Variants in NRXN1 observed in about 807,000 individuals in gnomAD.
The protein encoded by NRXN1 is neurexin-1.
In NRXN1, 39 loss-of-function variants were observed where a neutral mutation model predicts 150.9. That is an observed-to-expected ratio of 0.26 (90% confidence interval 0.20 to 0.34). The LOEUF is 0.34. Ranked by LOEUF, NRXN1 falls within the 10% of genes least tolerant of loss-of-function variation. The probability of loss-of-function intolerance (pLI) is 1.00; values close to 1 mark genes in which losing one functional copy is unlikely to be tolerated. For missense variants in NRXN1, 1,815 were observed against 1,949.9 expected (o/e 0.93, Z 1.30); for synonymous variants, 924 against 757.0 (o/e 1.22, Z -3.62).
chr2:50,063,015 A>T (rs1421589), intron 19 of NRXN1, among the ~76,000 whole-genome samples: 1 of 152,072 alleles, frequency 6.6e-6, no homozygotes, highest in Non-Finnish European at 1.5e-5. Context: ...CATCTATACC[A>T]CAAGAGAAGA....
intron 19 of NRXN1, among the ~76,000 whole-genome samples, chr2:50,064,315 G>A (rs1438893365): frequency 2.0e-5 from 3 of 151,850 alleles, no homozygotes; most frequent in Non-Finnish European, 2.9e-5. Flanking sequence ...TACACAATAG[G>A]ACAAATCTTT....
intron 17 of NRXN1, among the ~76,000 whole-genome samples, chr2:50,371,334 C>A (rs1572713489): frequency 2.0e-5 from 3 of 152,154 alleles, no homozygotes; most frequent in South Asian, 4.1e-4. Context: ...GGCTTTATTG[C>A]CTCTCTTCTT....
At chr2:51,024,850 A>G (rs1035644098) in intron 2 of NRXN1, among the ~76,000 whole-genome samples, 8 of 152,056 alleles carry the variant, frequency 5.3e-5, no homozygotes, top group African/African-American at 1.7e-4. Context: ...TTTTCTCTTA[A>G]TGAAGTGAAC....
At chr2:50,773,036 A>T (rs1703195965) in intron 5 of NRXN1, among the ~76,000 whole-genome samples, 1 of 152,190 alleles carries the variant, frequency 6.6e-6, no homozygotes, top group African/African-American at 2.4e-5. Context: ...AAATGTTATT[A>T]ATGAAAGGAA....
intron 2 of NRXN1, 82 bp downstream of exon 2, chr2:51,027,420 A>C (rs1670680173): frequency 1.5e-6 from 2 of 1,366,706 alleles, no homozygotes; most frequent in Admixed American, 5.7e-5. Flanking sequence ...AAGATTAGGA[A>C]GACCCCATGC....
At chr2:50,080,506 GAC>G (rs1415228964) in intron 19 of NRXN1, among the ~76,000 whole-genome samples, 3 of 151,920 alleles carry the variant, frequency 2.0e-5, no homozygotes, top group Admixed American at 2.0e-4. Flanking sequence ...TATGATATTG[GAC>G]ACAGTTATTT....
At chr2:49,963,281 T>C (rs1231324072) in intron 21 of NRXN1, among the ~76,000 whole-genome samples, 1 of 152,214 alleles carries the variant, frequency 6.6e-6, no homozygotes. Context: ...TTTACTGCTA[T>C]GTATTGGCTT....
At chr2:50,290,652 T>C (rs1399254161) in intron 17 of NRXN1, among the ~76,000 whole-genome samples, 2 of 152,138 alleles carry the variant, frequency 1.3e-5, no homozygotes, top group East Asian at 1.9e-4. Context: ...ACACTCCCAC[T>C]GTACAGCAGA....
chr2:50,903,860 C>A (rs1683290385), intron 5 of NRXN1, among the ~76,000 whole-genome samples: 1 of 152,112 alleles, frequency 6.6e-6, no homozygotes, highest in South Asian at 2.1e-4. Context: ...CTAATATAAT[C>A]CACAAATACA....
At chr2:50,418,238 C>G (rs1157244256) in intron 17 of NRXN1, among the ~76,000 whole-genome samples, 2 of 151,998 alleles carry the variant, frequency 1.3e-5, no homozygotes, top group Non-Finnish European at 2.9e-5. Flanking sequence ...CTAAAGCAAG[C>G]AGGAATCTCC....
intron 5 of NRXN1, among the ~76,000 whole-genome samples, chr2:50,679,756 G>A (rs1690093986): frequency 6.6e-6 from 1 of 152,096 alleles, no homozygotes; most frequent in South Asian, 2.1e-4. Flanking sequence ...GAATGACATG[G>A]TTACTGTTAG....
At chr2:50,728,716 T>G (rs1028030699) in intron 5 of NRXN1, among the ~76,000 whole-genome samples, 1 of 152,154 alleles carries the variant, frequency 6.6e-6, no homozygotes, top group Non-Finnish European at 1.5e-5. Context: ...GCTGAGCACT[T>G]GCATCATTGT....
At chr2:49,967,222 C>CATAT (rs1677116314) in intron 21 of NRXN1, among the ~76,000 whole-genome samples, 1 of 151,980 alleles carries the variant, frequency 6.6e-6, no homozygotes, top group African/African-American at 2.4e-5. Flanking sequence ...GGTTATATGA[C>CATAT]ATATTCACAT....
At chr2:50,252,241 T>A (rs1254833596) in intron 17 of NRXN1, among the ~76,000 whole-genome samples, 1 of 134,142 alleles carries the variant, frequency 7.5e-6, no homozygotes, top group Non-Finnish European at 1.5e-5. Flanking sequence ...TCCTTTTTTT[T>A]TTTTCTTTTT....
chr2:51,029,978 A>G (rs1411603768), intron 1 of NRXN1, among the ~76,000 whole-genome samples: 1 of 152,116 alleles, frequency 6.6e-6, no homozygotes, highest in Admixed American at 6.5e-5. Context: ...ATGTCATCTC[A>G]GCTGCAGTGG....
chr2:50,753,964 T>TTGC (rs1554047726), intron 5 of NRXN1, among the ~76,000 whole-genome samples: 1 of 118,012 alleles, frequency 8.5e-6, no homozygotes, highest in African/African-American at 3.4e-5. Flanking sequence ...GATTTTTTTT[T>TTGC]GGGGGGGGGC....
intron 17 of NRXN1, among the ~76,000 whole-genome samples, chr2:50,400,611 T>C (rs750949685): frequency 1.2e-4 from 18 of 152,054 alleles, no homozygotes; most frequent in Non-Finnish European, 2.1e-4. Flanking sequence ...GAAAGGACAT[T>C]AAAAAGGTTC....
At chr2:50,158,003 A>G (rs898023166) in intron 18 of NRXN1, among the ~76,000 whole-genome samples, 9 of 151,260 alleles carry the variant, frequency 6.0e-5, no homozygotes, top group African/African-American at 2.2e-4. Flanking sequence ...GAGGGCAATT[A>G]TAAAAAAAAA....
intron 5 of NRXN1, among the ~76,000 whole-genome samples, chr2:50,815,812 T>C (rs1181922191): frequency 6.6e-6 from 1 of 152,308 alleles, no homozygotes; most frequent in South Asian, 2.1e-4. Flanking sequence ...TTGTTTTGCA[T>C]AGTCATAGAA....
Sources: gnomAD v4.1 joint callset for allele counts (sites outside exome capture counted in the v4.1 genomes callset) on GRCh38, gnomAD v4.1.1 for gene constraint, MANE v1.5 for transcripts, NCBI Gene and HGNC (gene_info 2026-07-23, HGNC 2026-07-21) for gene names.